CHODL: variants seen among roughly 807,000 people sequenced by gnomAD.
The protein encoded by CHODL is transmembrane protein MT75.
CHODL carries 29 observed loss-of-function variants against 34.5 expected under a neutral mutation model. The observed-to-expected ratio is 0.84, with a 90% CI of 0.63 to 1.15. The LOEUF is 1.15. Ranked by LOEUF, CHODL falls within the 50% of genes most tolerant of loss-of-function variation. The pLI, the probability that CHODL is intolerant of heterozygous loss-of-function variation, is 0.00. For missense variants in CHODL, 332 were observed against 332.5 expected, an observed-to-expected ratio of 1.00 and a Z score of 0.01; for synonymous variants, 125 against 116.1, an observed-to-expected ratio of 1.08 and a Z score of -0.49.
intron 1 of CHODL, among the ~76,000 whole-genome samples, chr21:17,958,736 G>C (rs1163059160): frequency 6.6e-6 from 1 of 152,150 alleles, no homozygotes; most frequent in Admixed American, 6.5e-5. Context: ...TATCAGGAGA[G>C]AGCAGTACAA....
chr21:18,079,331 A>G lies in CHODL; in HGVS notation c.-45+51360A>G, dbSNP rs2146510814. Among the ~76,000 whole-genome samples the G allele has an allele frequency of 1.3e-5, 2 of 150,614 alleles. 1 individual carries two copies. The highest frequency in any genetic ancestry group is 4.2e-4 in the South Asian group (2 of 4,794). On this transcript the variant is annotated intron_variant, in intron 2 of 6. Coordinates refer to the CHODL transcript ENST00000400127. The stretch of plus-strand genomic sequence containing the variant: ...TTTTTCTTATGCCATAAAACACATG[A>G]TTTTACGGTATATATATACCATAGA...
chr21:18,235,598 C>T (rs2074021603), intron 2 of CHODL, among the ~76,000 whole-genome samples: 1 of 151,966 alleles, frequency 6.6e-6, no homozygotes, highest in African/African-American at 2.4e-5. Flanking sequence ...GTAGTAGTCA[C>T]CAAGGATAAT....
At chr21:18,082,784 A>T (rs2064957887) in intron 2 of CHODL, among the ~76,000 whole-genome samples, 1 of 152,188 alleles carries the variant, frequency 6.6e-6, no homozygotes, top group South Asian at 2.1e-4. Flanking sequence ...AAAGCATTCA[A>T]GATGTGGCCT....
intron 2 of CHODL, among the ~76,000 whole-genome samples, chr21:18,032,228 G>A (rs2064255992): frequency 6.6e-6 from 1 of 151,970 alleles, no homozygotes; most frequent in African/African-American, 2.4e-5. Flanking sequence ...GTTCACACCA[G>A]AAAAATGATA....
At chr21:18,069,631 C>G (rs2064772161) in intron 2 of CHODL, among the ~76,000 whole-genome samples, 1 of 151,852 alleles carries the variant, frequency 6.6e-6, no homozygotes, top group Non-Finnish European at 1.5e-5. Context: ...AACTGCTATT[C>G]TATATCTTTT....
In CHODL at chr21:18,122,123, A is replaced by G. The variant is rs1400247588; in HGVS notation, c.-45+94152A>G. On this transcript the variant is annotated intron_variant, in intron 2 of 6. Transcript: ENST00000400127. ...CTCTATTCATGAAGAATTTAGTTTT[A>G]TGATGATAAAACAACTATAGGGTTC... Among the ~76,000 whole-genome samples, 5 of 152,162 alleles carry G rather than the reference A, an allele frequency of 3.3e-5. No homozygotes were observed. In the East Asian group the frequency reaches 7.7e-4, roughly 23 times the overall value.
intron 1 of CHODL, among the ~76,000 whole-genome samples, chr21:18,005,948 TG>T (rs1381369987): frequency 6.6e-6 from 1 of 151,728 alleles, no homozygotes; most frequent in Non-Finnish European, 1.5e-5. Flanking sequence ...CCACGTTTCA[TG>T]GGGGGAACCC....
chr21:18,104,992 C>T (rs1012742951), intron 2 of CHODL, among the ~76,000 whole-genome samples: 6 of 152,192 alleles, frequency 3.9e-5, no homozygotes, highest in African/African-American at 1.4e-4. Flanking sequence ...TGCCCAGCAG[C>T]TGACCTCTTG....
intron 2 of CHODL, among the ~76,000 whole-genome samples, chr21:18,224,357 T>C (rs548170189): frequency 1.8e-4 from 28 of 152,316 alleles, no homozygotes; most frequent in African/African-American, 6.0e-4. Context: ...TCTGCCTTAC[T>C]TTCTTGTCTT....
At chr21:18,262,434 T>C (rs759512330) in intron 4 of CHODL, among the ~76,000 whole-genome samples, 3 of 152,164 alleles carry the variant, frequency 2.0e-5, no homozygotes, top group South Asian at 2.1e-4. Context: ...CATGTTACTA[T>C]ACTGAATGCT....
In CHODL at chr21:17,927,534, A is replaced by G. The variant is rs115202134; in HGVS notation, c.-145+10134A>G. On this transcript the variant is annotated intron_variant, in intron 1 of 6. Coordinates refer to the CHODL transcript ENST00000400127. ...GACAGGAGAAGGCTGGAAGATTTTC[A>G]AGGCATAAAGGAATGGACTATAATG... Among the ~76,000 whole-genome samples the G allele has an allele frequency of 3.2e-3, 490 of 152,260 alleles. 3 individuals are homozygous for G. Among genetic ancestry groups the G allele is most frequent in the African/African-American group, 0.011 (467 of 41,536 alleles).
At chr21:18,060,552 A>AG (rs1412030046) in intron 2 of CHODL, among the ~76,000 whole-genome samples, 1 of 151,936 alleles carries the variant, frequency 6.6e-6, no homozygotes, top group African/African-American at 2.4e-5. Context: ...TATAGTACCC[A>AG]TCAGGGCAGT....
At chr21:18,051,864 A>G (rs1018294208) in intron 2 of CHODL, among the ~76,000 whole-genome samples, 1 of 152,118 alleles carries the variant, frequency 6.6e-6, no homozygotes, top group East Asian at 1.9e-4. Context: ...TCTTGTTTTT[A>G]TATAAGTTTT....
intron 2 of CHODL, among the ~76,000 whole-genome samples, chr21:18,212,303 G>A (rs954943457): frequency 6.6e-6 from 1 of 152,006 alleles, no homozygotes; most frequent in Non-Finnish European, 1.5e-5. Flanking sequence ...GAAATCAATA[G>A]ATCAATAAGA....
chr21:18,056,719 A>G (rs1366895147), intron 2 of CHODL, among the ~76,000 whole-genome samples: 1 of 151,920 alleles, frequency 6.6e-6, no homozygotes, highest in East Asian at 1.9e-4. Flanking sequence ...TTTATCTCAC[A>G]TATCTGTTGT....
intron 2 of CHODL, among the ~76,000 whole-genome samples, chr21:18,032,623 A>T (rs2064260712): frequency 6.6e-6 from 1 of 152,044 alleles, no homozygotes; most frequent in Non-Finnish European, 1.5e-5. Context: ...TTCAAATGTG[A>T]TCCCCTTACT....
Position 17,987,867 on chromosome 21 carries a change from G to A in CHODL, c.-144-40005G>A, listed in dbSNP as rs370474275. 4.6e-5 allele frequency among the ~76,000 whole-genome samples: 7 copies of A among 152,180 alleles called. 1 individual carries two copies. The highest frequency in any genetic ancestry group is 1.3e-4 in the Admixed American group (2 of 15,272). ...ATTATGTATTTAATGTGAATAACAA[G>A]CATCCCACTGCTGGTTATTAAAACA... On this transcript the variant is annotated intron_variant, in intron 1 of 6. Transcript: ENST00000400127.
At chr21:17,929,151 T>C (rs1295219638) in intron 1 of CHODL, among the ~76,000 whole-genome samples, 1 of 152,242 alleles carries the variant, frequency 6.6e-6, no homozygotes, top group Non-Finnish European at 1.5e-5. Context: ...TTTCTTTTTT[T>C]ATCCTGAAAT....
intron 2 of CHODL, among the ~76,000 whole-genome samples, chr21:18,192,869 TGAAAA>T (rs558859437): frequency 7.9e-5 from 12 of 151,974 alleles, no homozygotes; most frequent in African/African-American, 2.9e-4. Context: ...TTAAAATTTA[TGAAAA>T]GAAAAGAAAG....
Sources: gnomAD v4.1 joint callset for allele counts (sites outside exome capture counted in the v4.1 genomes callset) on GRCh38, gnomAD v4.1.1 for gene constraint, MANE v1.5 for transcripts, NCBI Gene and HGNC (gene_info 2026-07-23, HGNC 2026-07-21) for gene names.